The following ZNF423 variants were observed in gnomAD, a reference collection of about 807,000 sequenced individuals.
ZNF423 encodes zinc finger protein 423.
A neutral mutation model predicts 95.8 loss-of-function variants in ZNF423; 12 were observed. The ratio of observed to expected loss-of-function variants is 0.13; its 90% CI spans 0.08 to 0.20. ZNF423 has a LOEUF of 0.20. ZNF423 is among the 10% of genes least tolerant of loss of function. ZNF423 has a pLI of 1.00. For missense variants in ZNF423, 1,316 were observed against 1,737.1 expected (o/e 0.76, Z 4.31); for synonymous variants, 749 against 711.9 (o/e 1.05, Z -0.83).
rs55662710 is a variant in ZNF423 at position 49,642,801 on chromosome 16, CTTTTTTTTTTTTT to C, written c.302-3940_302-3928del. ...TCAGCAGAGAAAGCGGTTCTCTTTT[CTTTTTTTTTTTTT>C]TTTTTTTTTTGGCAGGGGCAGGAGG... On this transcript the variant is annotated intron_variant, in intron 3 of 7. Coordinates refer to ENST00000563137, the MANE Select transcript of ZNF423 (RefSeq NM_001379286.1). Among the ~76,000 whole-genome samples the C allele has an allele frequency of 9.1e-4, 83 of 91,564 alleles. 1 individual carries two copies. The highest frequency in any genetic ancestry group is 3.4e-3 in the African/African-American group (80 of 23,680). The allele number at this position is 91,564 out of a possible 152,430, so 60.1% of individuals were successfully genotyped here. A position where few individuals can be genotyped will look rare whatever the true frequency, so the allele number is the denominator to read the frequency against.
At chr16:49,677,329 AGGGGAGGG>A (rs2031142650) in intron 3 of ZNF423, among the ~76,000 whole-genome samples, 1 of 38,934 alleles carries the variant, frequency 2.6e-5, no homozygotes, top group Non-Finnish European at 4.5e-5. Context: ...AAGGGAGGGG[AGGGGAGGG>A]GAGGGGAGGA....
chr16:49,515,680 A>G (rs530239868), intron 7 of ZNF423, among the ~76,000 whole-genome samples: 220 of 152,326 alleles, frequency 1.4e-3, no homozygotes, highest in African/African-American at 4.8e-3. Flanking sequence ...TCTCTGGTAC[A>G]ATTTCAGGGG....
intron 2 of ZNF423, among the ~76,000 whole-genome samples, chr16:49,758,331 G>A (rs1465748063): frequency 6.6e-6 from 1 of 152,154 alleles, no homozygotes; most frequent in Non-Finnish European, 1.5e-5. Flanking sequence ...TAGAGACAGG[G>A]TTTCGTCATG....
rs555090109 is a variant in ZNF423 at position 49,795,776 on chromosome 16, C to T, written c.41-6230G>A. 1.0e-3 allele frequency among the ~76,000 whole-genome samples: 153 copies of T among 152,344 alleles called. 1 individual carries two copies. The highest frequency in any genetic ancestry group is 6.8e-3 in the Middle Eastern group (2 of 294). On this transcript the variant is annotated intron_variant, in intron 1 of 7. Transcript: ENST00000563137. Reference sequence around the variant, plus strand: ...CCAAGCTGTGGAGACTGATGGGCAACGTCCAGCAGCCTCTGGACAAGGGCT... The same window carrying T: ...CCAAGCTGTGGAGACTGATGGGCAATGTCCAGCAGCCTCTGGACAAGGGCT...
At chr16:49,633,621 A>G (rs1341648677) in intron 4 of ZNF423, among the ~76,000 whole-genome samples, 1 of 152,132 alleles carries the variant, frequency 6.6e-6, no homozygotes, top group Non-Finnish European at 1.5e-5. Context: ...GGAGATTTTA[A>G]CCCAGGCCAC....
At chr16:49,607,563 C>T (rs1019430676) in intron 5 of ZNF423, among the ~76,000 whole-genome samples, 12 of 152,154 alleles carry the variant, frequency 7.9e-5, no homozygotes, top group African/African-American at 2.2e-4. Flanking sequence ...GAGCAGCCCA[C>T]GGAATCCTCT....
chr16:49,560,567 G>C (rs943860299), intron 5 of ZNF423, among the ~76,000 whole-genome samples: 8 of 152,210 alleles, frequency 5.3e-5, no homozygotes, highest in African/African-American at 1.9e-4. Context: ...ATTGGTCTGG[G>C]CTTCGTGCTA....
intron 3 of ZNF423, among the ~76,000 whole-genome samples, chr16:49,668,710 G>A (rs1258378014): frequency 6.6e-6 from 1 of 152,106 alleles, no homozygotes; most frequent in Non-Finnish European, 1.5e-5. Context: ...CACTAACGCT[G>A]CAGACCCACA....
intron 3 of ZNF423, among the ~76,000 whole-genome samples, chr16:49,699,417 G>A (rs2032093368): frequency 6.6e-6 from 1 of 152,122 alleles, no homozygotes; most frequent in Admixed American, 6.5e-5. Context: ...ATAAATCACT[G>A]CTCCACGGAA....
intron 5 of ZNF423, among the ~76,000 whole-genome samples, chr16:49,546,485 G>A (rs1234024459): frequency 6.6e-6 from 1 of 152,152 alleles, no homozygotes; most frequent in Non-Finnish European, 1.5e-5. Flanking sequence ...TAGAGTACTA[G>A]GATGTTAATG....
intron 1 of ZNF423, among the ~76,000 whole-genome samples, chr16:49,827,980 C>A (rs1457146406): frequency 2.0e-5 from 3 of 152,144 alleles, no homozygotes; most frequent in Non-Finnish European, 4.4e-5. Context: ...TCTTAGTGAC[C>A]CTAGTATGAA....
chr16:49,651,485 G>T (rs111389671), intron 3 of ZNF423, among the ~76,000 whole-genome samples: 1 of 152,086 alleles, frequency 6.6e-6, no homozygotes, highest in African/African-American at 2.4e-5. Context: ...GGGGTGTCCC[G>T]GGCCTTGGAG....
chr16:49,851,655 A>C (rs940784918), intron 1 of ZNF423, among the ~76,000 whole-genome samples: 5 of 152,112 alleles, frequency 3.3e-5, no homozygotes, highest in Non-Finnish European at 7.3e-5. Flanking sequence ...TTACTTTATG[A>C]CTGTAAAGTC....
intron 5 of ZNF423, among the ~76,000 whole-genome samples, chr16:49,580,838 T>C (rs1970648734): frequency 6.6e-6 from 1 of 152,130 alleles, no homozygotes; most frequent in Admixed American, 6.5e-5. Flanking sequence ...TCAGAGAGCC[T>C]ACAGGGTGCT....
chr16:49,787,446 G>A (rs1176721358), intron 2 of ZNF423, among the ~76,000 whole-genome samples: 3 of 152,074 alleles, frequency 2.0e-5, no homozygotes, highest in South Asian at 2.1e-4. Flanking sequence ...GCACCGTGGC[G>A]AGCCACGGCC....
intron 7 of ZNF423, among the ~76,000 whole-genome samples, chr16:49,508,522 A>G (rs1967749752): frequency 6.6e-6 from 1 of 151,250 alleles, no homozygotes; most frequent in Admixed American, 6.6e-5. Flanking sequence ...TTAAAAAAAA[A>G]AAAAAAAAAA....
intron 2 of ZNF423, among the ~76,000 whole-genome samples, chr16:49,768,013 G>C (rs1462114447): frequency 1.3e-5 from 2 of 152,172 alleles, no homozygotes; most frequent in Non-Finnish European, 2.9e-5. Context: ...TATTAGAAAA[G>C]ACCATTTCTT....
At chr16:49,632,423 G>A (rs1011427536) in intron 4 of ZNF423, among the ~76,000 whole-genome samples, 2 of 152,134 alleles carry the variant, frequency 1.3e-5, no homozygotes, top group Non-Finnish European at 2.9e-5. Flanking sequence ...CCACACAGGG[G>A]GCAAGGCCCC....
At chr16:49,640,415 C>A (rs1366332051) in intron 3 of ZNF423, among the ~76,000 whole-genome samples, 1 of 152,174 alleles carries the variant, frequency 6.6e-6, no homozygotes, top group East Asian at 1.9e-4. Context: ...CATTCACCTG[C>A]AGACACACAC....
Sources: allele counts gnomAD v4.1 joint callset (sites outside exome capture counted in the v4.1 genomes callset), GRCh38; gene constraint gnomAD v4.1.1; transcripts MANE v1.5; gene names NCBI Gene and HGNC (gene_info 2026-07-23, HGNC 2026-07-21).